Variants in TMPRSS2 observed in about 807,000 individuals in gnomAD.
TMPRSS2 encodes transmembrane protease serine 2.
A neutral mutation model predicts 67.4 loss-of-function variants in TMPRSS2; 59 were observed. That is an observed-to-expected ratio of 0.88 (90% CI 0.71 to 1.09). The LOEUF is 1.09. TMPRSS2 is among the 50% of genes least tolerant of loss of function. The pLI is 0.00. For synonymous variants in TMPRSS2, 257 were observed against 257.0 expected, an observed-to-expected ratio of 1.00 and a Z score of 0.00; for missense variants, 668 against 642.7, an observed-to-expected ratio of 1.04 and a Z score of -0.43.
intron 3 of TMPRSS2, 103 bp downstream of exon 3, chr21:41,494,253 C>A (rs958820197): frequency 4.9e-6 from 6 of 1,226,108 alleles, no homozygotes; most frequent in East Asian, 5.0e-5. Flanking sequence ...AGGGTCAGAC[C>A]AGGAGAGGTG....
rs151035593 is a variant in TMPRSS2, at chr21:41,471,465, C to T, written c.1075+341G>A. ...GCCTCCAGTGGGTAGAGGCTGGGGA[C>T]GCTGTTAAACATCCTACAAGGCACA... On this transcript the variant is annotated intron_variant, in intron 10 of 13. Coordinates refer to ENST00000332149, the MANE Select transcript of TMPRSS2 (RefSeq NM_005656.4). Among the ~76,000 whole-genome samples the T allele has an allele frequency of 4.1e-3, 630 of 152,236 alleles. 2 individuals carry two copies. The highest frequency in any genetic ancestry group is 0.015 in the African/African-American group (616 of 41,552).
intron 6 of TMPRSS2, 49 bp from the exon 7 acceptor site, chr21:41,479,331 A>G (rs377385043): frequency 3.3e-4 from 460 of 1,401,060 alleles, no homozygotes; most frequent in Non-Finnish European, 3.7e-4. Context: ...ATAAGCAAAC[A>G]CAAATCCTAT....
At position 41,479,021 on chromosome 21, in the gene TMPRSS2, A is replaced by G; in HGVS notation, c.683+151T>C. The G allele has an allele frequency of 6.6e-6, 4 of 607,302 alleles. No individual in the cohort carries two copies. The South Asian group carries it at 8.8e-5, about 13-fold the overall frequency. The allele number at this position is 607,302 out of a possible 1,614,324, so 37.6% of individuals were successfully genotyped here. On this transcript the variant is annotated intron_variant, in intron 7 of 13. Transcript: ENST00000332149. ...AAACCAAGGGCTGCTTAGAGTAACC[A>G]GGCCTGGTCAGACTCTAATCTCCTC...
intron 4 of TMPRSS2, 90 bp from the exon 5 acceptor site, chr21:41,488,603 T>C: frequency 7.1e-7 from 1 of 1,408,248 alleles, no homozygotes; most frequent in Non-Finnish European, 9.7e-7. Context: ...TTACTGTAGC[T>C]CGCTGCAGCC....
chr21:41,468,608 C>T (rs1380578120), intron 11 of TMPRSS2, 70 bp from the exon 12 acceptor site: 6 of 1,563,518 alleles, frequency 3.8e-6, no homozygotes, highest in Non-Finnish European at 5.2e-6. Context: ...ACACTTCCCT[C>T]CCTGAGACCT....
At chr21:41,476,384 T>G (rs1182143328) in intron 8 of TMPRSS2, among the ~76,000 whole-genome samples, 193 bp downstream of exon 8, 2 of 152,206 alleles carry the variant, frequency 1.3e-5, no homozygotes, top group Non-Finnish European at 2.9e-5. Flanking sequence ...GACCCAAGGC[T>G]GAAGGTGTCT....
chr21:41,471,892 T>C lies in TMPRSS2; in HGVS notation c.989A>G (p.Lys330Arg). 1 of 1,613,616 alleles carries C rather than the reference T, an allele frequency of 6.2e-7. No individual in the cohort carries two copies. The highest frequency in any genetic ancestry group is 8.5e-7 in the Non-Finnish European group (1 of 1,179,904). The change falls in exon 10 of 14, where the codon AAA becomes AGA. Residue 330 changes from lysine to arginine, a missense_variant. Lys to Arg is a conservative substitution (Grantham distance 26, BLOSUM62 2). Coordinates refer to ENST00000332149, the MANE Select transcript of TMPRSS2 (RefSeq NM_005656.4). The stretch of plus-strand genomic sequence containing the variant: ...GTCATAATTTGGATGAGAAATCACT[T>C]TTTCTACTTGGTATCCGGCTCCATA... ...MFYGAGYQVE[K>R]VISHPNYDSK...
In TMPRSS2 at chr21:41,480,496, G is replaced by C. The variant is rs1464904840; in HGVS notation, c.552C>G (p.Ala184=). The change falls in exon 6 of 14, where the codon GCC becomes GCG. Residue 184 remains alanine, a synonymous_variant. Coordinates refer to ENST00000332149, the MANE Select transcript of TMPRSS2 (RefSeq NM_005656.4). ...DDWNENYGRA[A]CRDMGYKNNF... ...CTCACTTATAGCCCATGTCCCTGCA[G>C]GCCGCCCGCCCGTAGTTCTCGTTCC... 6.2e-7 allele frequency: 1 copy of C among 1,613,676 alleles called. No individual in the cohort carries two copies. Among genetic ancestry groups the C allele is most frequent in the Non-Finnish European group, 8.5e-7 (1 of 1,180,036 alleles).
intron 9 of TMPRSS2, 151 bp downstream of exon 9, chr21:41,473,174 G>T: frequency 2.2e-6 from 2 of 896,038 alleles, no homozygotes; most frequent in Admixed American, 2.8e-5. Flanking sequence ...GAGCGCACTT[G>T]ATGTCTCACA....
chr21:41,505,191 T>C (rs1304866623), intron 1 of TMPRSS2, among the ~76,000 whole-genome samples: 1 of 152,140 alleles, frequency 6.6e-6, no homozygotes, highest in Non-Finnish European at 1.5e-5. Context: ...GGCTTAGATC[T>C]GATCAGTGCT....
Position 41,470,655 on chromosome 21 carries a change from C to T in TMPRSS2, c.1164G>A (p.Glu388=), listed in dbSNP as rs772866890. ...GCCCAGGAGCAGCCTCACCTTTCTC[C>T]TCGGTGGCCCCCCACCCGGAAATCC... ...LCWISGWGAT[E]EKGKTSEVLN... is the part of the protein sequence containing the mutation. Residue 388 remains glutamate, a synonymous_variant, in exon 11 of 14, where the codon GAG becomes GAA. Transcript: ENST00000332149. 2 of 1,613,404 alleles carry T rather than the reference C, an allele frequency of 1.2e-6. No individual in the cohort carries two copies. The highest frequency in any genetic ancestry group is 8.5e-7 in the Non-Finnish European group (1 of 1,179,922).
chr21:41,466,777 C>T (rs2091088207), intron 13 of TMPRSS2, among the ~76,000 whole-genome samples: 2 of 152,254 alleles, frequency 1.3e-5, no homozygotes, highest in South Asian at 4.1e-4. Context: ...ACAGAATAGA[C>T]TGCTTTCTTC....
intron 10 of TMPRSS2, among the ~76,000 whole-genome samples, chr21:41,471,123 G>T (rs556192760): frequency 6.6e-6 from 1 of 152,162 alleles, no homozygotes; most frequent in Non-Finnish European, 1.5e-5. Flanking sequence ...TCAGGCATTC[G>T]CTCTTCTATA....
intron 5 of TMPRSS2, among the ~76,000 whole-genome samples, chr21:41,482,256 C>A (rs1466748544): frequency 3.3e-5 from 5 of 152,076 alleles, no homozygotes; most frequent in African/African-American, 1.2e-4. Context: ...CTCTTCTCTC[C>A]CTCCCTAGAG....
rs372285785 is a variant in TMPRSS2 at position 41,470,643 on chromosome 21, C to G, written c.1171+5G>C. 18 of 1,612,858 alleles carry G rather than the reference C, an allele frequency of 1.1e-5. No individual in the cohort carries two copies. In the African/African-American group the frequency reaches 2.4e-4, roughly 22 times the overall value. On this transcript the variant is annotated splice_donor_5th_base_variant and intron_variant, in intron 11 of 13. Transcript: ENST00000332149. ...GCAGTCCTGTGTGCCCAGGAGCAGC[C>G]TCACCTTTCTCCTCGGTGGCCCCCC...
chr21:41,507,959 C>G (rs1243033377), intron 1 of TMPRSS2, 122 bp downstream of exon 1: 4 of 1,477,460 alleles, frequency 2.7e-6, no homozygotes, highest in Non-Finnish European at 3.6e-6. Flanking sequence ...CCTGCCGCGC[C>G]GCGCTCCTCA....
At chr21:41,466,665 C>T (rs551817968) in intron 13 of TMPRSS2, among the ~76,000 whole-genome samples, 7 of 152,290 alleles carry the variant, frequency 4.6e-5, no homozygotes, top group Admixed American at 2.0e-4. Flanking sequence ...CCCTGAGTCC[C>T]GCGTGTCATT....
intron 10 of TMPRSS2, among the ~76,000 whole-genome samples, chr21:41,471,300 G>A (rs1181712631): frequency 6.6e-6 from 1 of 152,210 alleles, no homozygotes; most frequent in South Asian, 2.1e-4. Context: ...AAGCAACTTG[G>A]TTTTAGAATG....
At position 41,489,500 on chromosome 21, in the gene TMPRSS2, C is replaced by T. The variant is rs758002770; in HGVS notation, c.325+7G>A. On this transcript the variant is annotated splice_region_variant and intron_variant, in intron 4 of 13. Coordinates refer to ENST00000332149, the MANE Select transcript of TMPRSS2 (RefSeq NM_005656.4). Reference sequence around the variant, plus strand: ...CACATGGTGGGATCGAGGCTCCCTGCACTTACTGAACTTCCAGAGTAGGCC... The same window carrying T: ...CACATGGTGGGATCGAGGCTCCCTGTACTTACTGAACTTCCAGAGTAGGCC... 7 of 1,613,582 alleles carry T rather than the reference C, an allele frequency of 4.3e-6. No homozygotes were observed. In the African/African-American group the frequency reaches 8.0e-5, roughly 18 times the overall value.
Sources: gnomAD v4.1 joint callset for allele counts (sites outside exome capture counted in the v4.1 genomes callset) on GRCh38, gnomAD v4.1.1 for gene constraint, MANE v1.5 for transcripts, NCBI Gene and HGNC (gene_info 2026-07-23, HGNC 2026-07-21) for gene names.